Variants in LPAR5 observed in about 807,000 individuals in gnomAD.
The protein encoded by LPAR5 is G protein-coupled receptor 92.
For missense variants in LPAR5, 544 were observed against 521.8 expected (o/e 1.04, Z -0.41); for synonymous variants, 271 against 261.6 (o/e 1.04, Z -0.35).
intron 1 of LPAR5, among the ~76,000 whole-genome samples, chr12:6,625,109 A>T (rs1278863997): frequency 6.6e-6 from 1 of 152,064 alleles, no homozygotes; most frequent in African/African-American, 2.4e-5. Flanking sequence ...TTATCCCAAG[A>T]CACCGAGCTT....
chr12:6,631,886 T>A (rs978191544), intron 1 of LPAR5, among the ~76,000 whole-genome samples: 7 of 152,012 alleles, frequency 4.6e-5, no homozygotes, highest in African/African-American at 7.2e-5. Context: ...GCCCAGTTCC[T>A]CCCCCATACC....
Position 6,620,774 on chromosome 12 carries a change from C to G in LPAR5, c.475G>C (p.Val159Leu). The G allele has an allele frequency of 6.3e-7, 1 of 1,586,562 alleles. No homozygotes were observed. Among genetic ancestry groups the G allele is most frequent in the East Asian group, 2.3e-5 (1 of 44,020 alleles). The stretch of plus-strand genomic sequence containing the variant: ...TAGCGGCAACGCGAGGGCCTGTGCA[C>G]GCGGGCGGCGGGCACGGCAAACACC... ...ILVFAVPAAR[V>L]HRPSRCRYRD... is the part of the protein sequence containing the mutation. The change falls in exon 2 of 2, where the codon GTG (valine) becomes CTG (leucine). Residue 159 changes from valine (V) to leucine (L), a missense_variant. Physicochemically the swap from Val to Leu is conservative, Grantham distance 32. Transcript: ENST00000329858. This position sits in a 1 kb window ranked among gnomAD's most constrained non-coding sequence, Gnocchi z 6.8.
chr12:6,624,094 C>T (rs1948915287), intron 1 of LPAR5, among the ~76,000 whole-genome samples: 1 of 152,222 alleles, frequency 6.6e-6, no homozygotes, highest in Non-Finnish European at 1.5e-5. Flanking sequence ...GGTTTGACTT[C>T]TCAGTTTCTT....
chr12:6,624,461 C>T (rs1565386724), intron 1 of LPAR5, among the ~76,000 whole-genome samples: 1 of 151,692 alleles, frequency 6.6e-6, no homozygotes, highest in African/African-American at 2.4e-5. Context: ...GCTTCTGGTT[C>T]TAGTCTACTT....
chr12:6,633,338 G>A (rs182023572), intron 1 of LPAR5, among the ~76,000 whole-genome samples: 2 of 152,044 alleles, frequency 1.3e-5, no homozygotes, highest in Non-Finnish European at 2.9e-5. Flanking sequence ...TGTGGGCTTT[G>A]CTGACCTCAC....
intron 1 of LPAR5, among the ~76,000 whole-genome samples, chr12:6,632,452 A>G (rs1353628918): frequency 1.3e-5 from 2 of 152,188 alleles, no homozygotes; most frequent in Non-Finnish European, 2.9e-5. Flanking sequence ...CGACACAGGA[A>G]GTCCCTCTTT....
intron 1 of LPAR5, among the ~76,000 whole-genome samples, chr12:6,628,028 CTTTTTT>C (rs71067128): frequency 7.4e-6 from 1 of 134,488 alleles, no homozygotes; most frequent in Non-Finnish European, 1.6e-5. Flanking sequence ...TTTCTTTTTT[CTTTTTT>C]TTTTTGAGAC....
rs1037350109 is a variant in LPAR5 at position 6,620,519 on chromosome 12, G to C, written c.730C>G (p.Leu244Val). ...CTGTTGTAGGGCACGAAGCACAGCA[G>C]GAAGATGACGAGGTTAGCCAGCAGG... is the stretch of plus-strand genomic sequence containing the variant. ...RLLLANLVIF[L>V]LCFVPYNSTL... Residue 244 changes from leucine to valine, a missense_variant, in exon 2 of 2, where the codon CTG becomes GTG. Leu to Val is a conservative substitution (Grantham distance 32, BLOSUM62 1). Transcript: ENST00000329858. The surrounding 1 kb of genome is among the most constrained non-coding windows in gnomAD (Gnocchi z 6.8). The C allele has an allele frequency of 6.3e-6, 10 of 1,581,250 alleles. No homozygotes were observed. In the Admixed American group the frequency reaches 1.1e-4, roughly 17 times the overall value.
Position 6,620,262 on chromosome 12 carries a change from G to A in LPAR5, c.987C>T (p.Leu329=). The change falls in exon 2 of 2, where the codon CTC becomes CTT. Residue 329 remains leucine, a synonymous_variant. Coordinates refer to ENST00000329858, the MANE Select transcript of LPAR5 (RefSeq NM_020400.6). The surrounding 1 kb of genome is among the most constrained non-coding windows in gnomAD (Gnocchi z 6.8). ...TSATNGTRAA[L]AQSERSAVTT... is the part of the protein sequence containing the mutation. Reference sequence around the variant, plus strand: ...TGACGGCGGACCTTTCGGATTGCGCGAGCGCCGCCCGCGTCCCGTTGGTGG... The same window carrying A: ...TGACGGCGGACCTTTCGGATTGCGCAAGCGCCGCCCGCGTCCCGTTGGTGG... The A allele has an allele frequency of 1.2e-6, 2 of 1,607,470 alleles. No individual in the cohort carries two copies. The highest frequency in any genetic ancestry group is 8.5e-7 in the Non-Finnish European group (1 of 1,176,970).
chr12:6,634,670 C>T (rs1021134773), intron 1 of LPAR5, among the ~76,000 whole-genome samples: 8 of 150,806 alleles, frequency 5.3e-5, no homozygotes, highest in Non-Finnish European at 7.4e-5. Context: ...GTGGTGCCTG[C>T]CTGTAGTCCC....
chr12:6,622,040 A>G (rs1386347224), intron 1 of LPAR5, among the ~76,000 whole-genome samples: 1 of 152,064 alleles, frequency 6.6e-6, no homozygotes. Context: ...AGACAGGAGA[A>G]TCGCTTGAAA....
At chr12:6,634,768 C>T (rs970440120) in intron 1 of LPAR5, among the ~76,000 whole-genome samples, 2 of 151,308 alleles carry the variant, frequency 1.3e-5, no homozygotes, top group African/African-American at 4.9e-5. Flanking sequence ...TGCACTCCAG[C>T]CTGGGCAACA....
intron 1 of LPAR5, among the ~76,000 whole-genome samples, chr12:6,632,316 A>G (rs1163629442): frequency 1.3e-5 from 2 of 152,234 alleles, no homozygotes; most frequent in East Asian, 1.9e-4. Context: ...CCTGACTCCA[A>G]TTCCTAGGGT....
At chr12:6,634,349 T>A (rs1263327906) in intron 1 of LPAR5, among the ~76,000 whole-genome samples, 1 of 150,214 alleles carries the variant, frequency 6.7e-6, no homozygotes, top group African/African-American at 2.4e-5. Flanking sequence ...AGTGTGTGAC[T>A]CGCGCCTGTA....
rs768156508 is a variant in LPAR5, at chr12:6,620,643, C to T, written c.606G>A (p.Leu202=). The change falls in exon 2 of 2, where the codon CTG becomes CTA. Residue 202 remains leucine, a synonymous_variant. Coordinates refer to ENST00000329858, the MANE Select transcript of LPAR5 (RefSeq NM_020400.6). This position sits in a 1 kb window ranked among gnomAD's most constrained non-coding sequence, Gnocchi z 6.8. ...ACGAGTAGACCACCGCCGCCAGGGGCAGCAGGAAGCCCAGCGCCTCGGCCA... is the reference window on the plus strand; with the variant it reads ...ACGAGTAGACCACCGCCGCCAGGGGTAGCAGGAAGCCCAGCGCCTCGGCCA... ...VLLAEALGFL[L]PLAAVVYSSG... 26 of 1,554,488 alleles carry T rather than the reference C, an allele frequency of 1.7e-5. No individual in the cohort carries two copies. Among genetic ancestry groups the T allele is most frequent in the Non-Finnish European group, 2.3e-5 (26 of 1,149,762 alleles).
chr12:6,622,591 A>G (rs1229118492), intron 1 of LPAR5, among the ~76,000 whole-genome samples: 2 of 150,084 alleles, frequency 1.3e-5, no homozygotes, highest in Non-Finnish European at 3.0e-5. Flanking sequence ...TCTACTAAAA[A>G]AAAAAAAAAA....
rs760224521 is a variant in LPAR5 at position 6,620,840 on chromosome 12, C to T, written c.409G>A (p.Val137Met). The change falls in exon 2 of 2, where the codon GTG (valine) becomes ATG (methionine). Residue 137 changes from valine to methionine, a missense_variant. By Grantham distance (21) the Val-to-Met change is conservative. Transcript: ENST00000329858. This position sits in a 1 kb window ranked among gnomAD's most constrained non-coding sequence, Gnocchi z 6.8. ...ACGCCCAGGCAGAGCAGCCGCGCCACGCGGGGCCGCCGCAGGTGGCGCAGT... is the reference window on the plus strand; with the variant it reads ...ACGCCCAGGCAGAGCAGCCGCGCCATGCGGGGCCGCCGCAGGTGGCGCAGT... ...LRLRHLRRPR[V>M]ARLLCLGVWA... 9 of 1,560,744 alleles carry T rather than the reference C, an allele frequency of 5.8e-6. No homozygotes were observed. Among genetic ancestry groups the T allele is most frequent in the African/African-American group, 2.7e-5 (2 of 73,916 alleles).
intron 1 of LPAR5, among the ~76,000 whole-genome samples, chr12:6,629,703 A>T (rs1330321100): frequency 6.7e-6 from 1 of 150,234 alleles, no homozygotes; most frequent in Non-Finnish European, 1.5e-5. Context: ...TGTTAAATAG[A>T]CCAAGATTAT....
intron 1 of LPAR5, among the ~76,000 whole-genome samples, chr12:6,630,920 C>G (rs1341108995): frequency 6.6e-6 from 1 of 152,180 alleles, no homozygotes; most frequent in Admixed American, 6.5e-5. Flanking sequence ...TGAATGGGCA[C>G]AGTGCCAGGC....
Sources: allele counts gnomAD v4.1 joint callset (sites outside exome capture counted in the v4.1 genomes callset), GRCh38; gene constraint gnomAD v4.1.1; non-coding constraint Gnocchi (gnomAD v3.1); transcripts MANE v1.5; gene names NCBI Gene and HGNC (gene_info 2026-07-23, HGNC 2026-07-21).